The following RABEP1 variants were observed in gnomAD, a reference collection of about 807,000 sequenced individuals.
The protein encoded by RABEP1 is rabaptin, RAB GTPase binding effector protein 1.
Under a neutral mutation model 123.4 loss-of-function variants are expected in RABEP1, and 51 were observed. That is an observed-to-expected ratio of 0.41 (90% CI 0.33 to 0.52). The LOEUF (loss-of-function observed/expected upper bound fraction) is 0.52, where lower values mean the gene tolerates loss of function less well. Among genes scored for constraint, RABEP1 ranks in the 20% least tolerant of loss-of-function variants. RABEP1 has a pLI of 0.16. For missense variants in RABEP1, 888 were observed against 996.3 expected, an observed-to-expected ratio of 0.89 and a Z score of 1.46; for synonymous variants, 347 against 355.2, an observed-to-expected ratio of 0.98 and a Z score of 0.26.
At chr17:5,343,778 C>T (rs1433141337) in intron 5 of RABEP1, among the ~76,000 whole-genome samples, 4 of 145,272 alleles carry the variant, frequency 2.8e-5, no homozygotes, top group African/African-American at 7.7e-5. Flanking sequence ...CAGGTTCAAG[C>T]GATTCTCCTG....
Position 5,365,239 on chromosome 17 carries a change from G to C in RABEP1, c.1785+1G>C. 6.3e-7 allele frequency: 1 copy of C among 1,596,996 alleles called. No individual in the cohort carries two copies. The highest frequency in any genetic ancestry group is 8.5e-7 in the Non-Finnish European group (1 of 1,170,566). On this transcript the variant is annotated splice_donor_variant, in intron 11 of 17. Transcript: ENST00000537505. LOFTEE classifies it high-confidence loss of function. ...AAGCAGCGAAGATTCGAGTCACCAG[G>C]TAAGGGAGGGTTTATAGACTGTGGC...
intron 2 of RABEP1, among the ~76,000 whole-genome samples, chr17:5,322,823 C>T (rs1164052488): frequency 6.6e-6 from 1 of 152,116 alleles, no homozygotes. Context: ...GCCTGTAATC[C>T]CAACACTTTG....
chr17:5,283,012 T>C (rs1330324620), intron 1 of RABEP1, among the ~76,000 whole-genome samples: 1 of 152,110 alleles, frequency 6.6e-6, no homozygotes, highest in East Asian at 1.9e-4. Context: ...TTTAGTAGCA[T>C]TCCCTGAATG....
At chr17:5,305,345 T>A (rs990472717) in intron 1 of RABEP1, among the ~76,000 whole-genome samples, 1 of 152,168 alleles carries the variant, frequency 6.6e-6, no homozygotes, top group African/African-American at 2.4e-5. Context: ...CTGAACACTG[T>A]CCTGAAGCCT....
chr17:5,308,826 A>C lies in RABEP1; in HGVS notation c.163+4A>C. On this transcript the variant is annotated splice_donor_region_variant and intron_variant, in intron 2 of 17. Transcript: ENST00000537505. ...GAGTTATATTTGGCTAAAGAGGGTA[A>C]GTTCATAAGTCTCGCACCAACTTCA... The C allele has an allele frequency of 6.2e-7, 1 of 1,603,266 alleles. No individual in the cohort carries two copies. The highest frequency in any genetic ancestry group is 2.2e-5 in the East Asian group (1 of 44,616).
intron 14 of RABEP1, among the ~76,000 whole-genome samples, chr17:5,377,521 T>A (rs199774368): frequency 0.023 from 2,943 of 125,540 alleles, 51 homozygotes; most frequent in East Asian, 0.086. Context: ...ATTTAAAAAA[T>A]TTTTTTTTTT....
intron 10 of RABEP1, among the ~76,000 whole-genome samples, chr17:5,363,279 G>C (rs1277898728): frequency 6.6e-6 from 1 of 151,056 alleles, no homozygotes; most frequent in Non-Finnish European, 1.5e-5. Flanking sequence ...TGGAGTGCAG[G>C]GGGGATCTCA....
At chr17:5,315,115 G>A (rs2075283648) in intron 2 of RABEP1, among the ~76,000 whole-genome samples, 1 of 152,158 alleles carries the variant, frequency 6.6e-6, no homozygotes, top group African/African-American at 2.4e-5. Context: ...AAGCTGTTAC[G>A]CTAACTAATC....
intron 1 of RABEP1, among the ~76,000 whole-genome samples, chr17:5,286,695 T>C (rs969848749): frequency 6.6e-6 from 1 of 152,182 alleles, no homozygotes; most frequent in African/African-American, 2.4e-5. Flanking sequence ...GAATGCATAC[T>C]GTTTGTCAGG....
At chr17:5,357,933 A>C (rs1909170287) in intron 8 of RABEP1, among the ~76,000 whole-genome samples, 1 of 152,132 alleles carries the variant, frequency 6.6e-6, no homozygotes. Flanking sequence ...CTGGTAATTA[A>C]TTCCAGCAGC....
chr17:5,356,280 C>T (rs1295777670), intron 8 of RABEP1, among the ~76,000 whole-genome samples: 9 of 152,014 alleles, frequency 5.9e-5, no homozygotes, highest in East Asian at 1.9e-4. Flanking sequence ...TGTTTGAACC[C>T]GGGAGGTGGA....
chr17:5,323,575 A>C (rs1307277542), intron 2 of RABEP1, among the ~76,000 whole-genome samples: 1 of 151,596 alleles, frequency 6.6e-6, no homozygotes, highest in Non-Finnish European at 1.5e-5. Context: ...AAAAGAAATC[A>C]AAGCAATCTC....
At position 5,282,317 on chromosome 17, in the gene RABEP1, T is replaced by TA; in HGVS notation, c.-170_-169insA. 1 of 449,148 alleles carries TA rather than the reference T, an allele frequency of 2.2e-6. No individual in the cohort carries two copies. Among genetic ancestry groups the TA allele is most frequent in the Non-Finnish European group, 3.7e-6 (1 of 270,044 alleles). The allele number at this position is 449,148 out of a possible 1,614,324, so 27.8% of individuals were successfully genotyped here. A position where few individuals can be genotyped will look rare whatever the true frequency, so the allele number is the denominator to read the frequency against. On this transcript the variant is annotated 5_prime_UTR_variant, in exon 1 of 18. The change creates a premature stop within an existing upstream ORF in the 5' untranslated region. Transcript: ENST00000537505. Reference sequence around the variant, plus strand: ...GAGGAGGCGGAGGTCGGCGGTCGGGTCCGTCTCTGCCCGCGGCTGTGGCGG... The same window carrying TA: ...GAGGAGGCGGAGGTCGGCGGTCGGGTACCGTCTCTGCCCGCGGCTGTGGCGG...
chr17:5,328,481 C>A (rs1471677074), intron 2 of RABEP1, among the ~76,000 whole-genome samples: 1 of 150,316 alleles, frequency 6.7e-6, no homozygotes, highest in African/African-American at 2.5e-5. Context: ...TCCCTCTCTA[C>A]AAAAAAATAC....
At chr17:5,305,785 C>G (rs764786686) in intron 1 of RABEP1, among the ~76,000 whole-genome samples, 4 of 152,192 alleles carry the variant, frequency 2.6e-5, no homozygotes, top group Non-Finnish European at 4.4e-5. Context: ...GAACAGATTT[C>G]TTTCATGATT....
intron 8 of RABEP1, among the ~76,000 whole-genome samples, chr17:5,355,101 T>A (rs1908904446): frequency 6.6e-6 from 1 of 152,208 alleles, no homozygotes; most frequent in Non-Finnish European, 1.5e-5. Context: ...TCCTCAGCAT[T>A]ACTGTCAAAT....
intron 1 of RABEP1, among the ~76,000 whole-genome samples, chr17:5,285,760 A>C (rs1007335324): frequency 6.6e-6 from 1 of 152,176 alleles, no homozygotes; most frequent in African/African-American, 2.4e-5. Flanking sequence ...TACAGCTATT[A>C]AGTGGGGGAG....
At chr17:5,369,813 G>C (rs1910382775) in intron 12 of RABEP1, among the ~76,000 whole-genome samples, 1 of 151,822 alleles carries the variant, frequency 6.6e-6, no homozygotes, top group Non-Finnish European at 1.5e-5. Flanking sequence ...TGATTCTCCT[G>C]CCTCAGCCTC....
chr17:5,307,583 T>C (rs1364069313), intron 1 of RABEP1, among the ~76,000 whole-genome samples: 1 of 152,092 alleles, frequency 6.6e-6, no homozygotes, highest in African/African-American at 2.4e-5. Flanking sequence ...CTAACCGATA[T>C]CCCCTAAAGG....
Sources: gnomAD v4.1 joint callset for allele counts (sites outside exome capture counted in the v4.1 genomes callset) on GRCh38, gnomAD v4.1.1 for gene constraint, MANE v1.5 for transcripts, NCBI Gene and HGNC (gene_info 2026-07-23, HGNC 2026-07-21) for gene names.